KCNH1: variants seen among roughly 807,000 people sequenced by gnomAD.
The protein encoded by KCNH1 is voltage-gated delayed rectifier potassium channel KCNH1.
In KCNH1, 27 loss-of-function variants were observed where a neutral mutation model predicts 69.2. The observed-to-expected ratio is 0.39, with a 90% confidence interval of 0.29 to 0.54. KCNH1 has a LOEUF of 0.54. KCNH1 is among the 20% of genes least tolerant of loss of function. The probability of loss-of-function intolerance (pLI) is 0.68; values close to 1 mark genes in which losing one functional copy is unlikely to be tolerated. For synonymous variants in KCNH1, 456 were observed against 487.7 expected (o/e 0.93, Z 0.86); for missense variants, 798 against 1,261.6 (o/e 0.63, Z 5.57).
chr1:210,954,612 T>C (rs1315898119), intron 6 of KCNH1, among the ~76,000 whole-genome samples: 1 of 152,238 alleles, frequency 6.6e-6, no homozygotes, highest in Non-Finnish European at 1.5e-5. Flanking sequence ...TGGCATGAGA[T>C]GATATCTCAT....
intron 5 of KCNH1, among the ~76,000 whole-genome samples, chr1:211,053,975 AAGAT>A (rs1368050169): frequency 6.6e-6 from 1 of 152,202 alleles, no homozygotes; most frequent in Non-Finnish European, 1.5e-5. Context: ...CAGAAATAAA[AAGAT>A]AGACATTTGG....
At chr1:210,974,313 C>A (rs955116932) in intron 6 of KCNH1, among the ~76,000 whole-genome samples, 1 of 151,882 alleles carries the variant, frequency 6.6e-6, no homozygotes, top group African/African-American at 2.4e-5. Flanking sequence ...CATATTAATA[C>A]AGTATATTAC....
chr1:210,719,567 G>A (rs1220684584), intron 10 of KCNH1, among the ~76,000 whole-genome samples: 1 of 152,042 alleles, frequency 6.6e-6, no homozygotes, highest in African/African-American at 2.4e-5. Flanking sequence ...CAAGGGGAGG[G>A]AGAGCATTAG....
At chr1:210,748,127 T>G (rs1263573487) in intron 10 of KCNH1, among the ~76,000 whole-genome samples, 1 of 152,154 alleles carries the variant, frequency 6.6e-6, no homozygotes, top group Non-Finnish European at 1.5e-5. Flanking sequence ...CCCAGGGTGA[T>G]GCATCATGTG....
intron 6 of KCNH1, among the ~76,000 whole-genome samples, chr1:211,010,105 C>A (rs1689366144): frequency 2.0e-5 from 3 of 152,130 alleles, no homozygotes; most frequent in Non-Finnish European, 4.4e-5. Context: ...TGGAGTTCTC[C>A]ACTCACATTC....
intron 6 of KCNH1, among the ~76,000 whole-genome samples, chr1:210,975,299 T>C (rs942866217): frequency 6.6e-6 from 1 of 152,192 alleles, no homozygotes; most frequent in Non-Finnish European, 1.5e-5. Flanking sequence ...CAGATAATCC[T>C]AAGCCAAAAG....
intron 10 of KCNH1, among the ~76,000 whole-genome samples, chr1:210,759,738 A>C (rs1490853468): frequency 3.3e-5 from 5 of 152,262 alleles, no homozygotes; most frequent in African/African-American, 1.2e-4. Flanking sequence ...AGAGATAGTA[A>C]GCAACTTGGA....
intron 9 of KCNH1, among the ~76,000 whole-genome samples, chr1:210,781,041 C>T (rs989474399): frequency 3.3e-5 from 5 of 152,072 alleles, no homozygotes; most frequent in South Asian, 2.1e-4. Context: ...AGCGAGACTC[C>T]GTTTCAAACA....
At chr1:210,964,209 A>T (rs1039674817) in intron 6 of KCNH1, among the ~76,000 whole-genome samples, 1 of 152,204 alleles carries the variant, frequency 6.6e-6, no homozygotes, top group Non-Finnish European at 1.5e-5. Flanking sequence ...GGAAGGAGGA[A>T]TAAAATCCTT....
chr1:210,718,194 A>G (rs1682310945), intron 10 of KCNH1, among the ~76,000 whole-genome samples: 1 of 146,222 alleles, frequency 6.8e-6, no homozygotes, highest in Non-Finnish European at 1.5e-5. Flanking sequence ...TCCAAAATAT[A>G]ATACTCAAAT....
intron 10 of KCNH1, among the ~76,000 whole-genome samples, chr1:210,685,619 T>C (rs1165338997): frequency 1.3e-5 from 2 of 152,210 alleles, no homozygotes; most frequent in Admixed American, 6.5e-5. Flanking sequence ...ATCTCTACTT[T>C]TCAGACTTGG....
chr1:210,751,482 G>A (rs1047189808), intron 10 of KCNH1, among the ~76,000 whole-genome samples: 1 of 152,200 alleles, frequency 6.6e-6, no homozygotes, highest in Non-Finnish European at 1.5e-5. Context: ...GGCAACCAAT[G>A]ATCCCAGTTT....
chr1:210,971,332 T>C (rs950025687), intron 6 of KCNH1, among the ~76,000 whole-genome samples: 8 of 152,170 alleles, frequency 5.3e-5, no homozygotes, highest in African/African-American at 1.9e-4. Context: ...CTGTGACCCA[T>C]AAGTTATTTA....
chr1:210,694,812 C>T (rs535519588), intron 10 of KCNH1, among the ~76,000 whole-genome samples: 54 of 152,294 alleles, frequency 3.5e-4, no homozygotes, highest in African/African-American at 1.3e-3. Context: ...TCTGATCAGC[C>T]ATTCAGACAC....
At chr1:211,069,437 A>T (rs1053386267) in intron 5 of KCNH1, among the ~76,000 whole-genome samples, 1 of 152,152 alleles carries the variant, frequency 6.6e-6, no homozygotes, top group Non-Finnish European at 1.5e-5. Flanking sequence ...TATGGCAGGG[A>T]TGTTGGAATT....
At chr1:211,026,254 A>C (rs981846038) in intron 5 of KCNH1, among the ~76,000 whole-genome samples, 11 of 152,136 alleles carry the variant, frequency 7.2e-5, no homozygotes, top group African/African-American at 2.4e-4. Context: ...AAAGGTGGAG[A>C]AAAGAAAGTA....
At chr1:210,903,649 A>G (rs1687041051) in intron 7 of KCNH1, among the ~76,000 whole-genome samples, 1 of 152,228 alleles carries the variant, frequency 6.6e-6, no homozygotes, top group Non-Finnish European at 1.5e-5. Context: ...CATCATCAAA[A>G]GATTAAGATC....
At chr1:210,963,624 C>T (rs751926652) in intron 6 of KCNH1, among the ~76,000 whole-genome samples, 5 of 151,726 alleles carry the variant, frequency 3.3e-5, no homozygotes, top group Non-Finnish European at 4.4e-5. Flanking sequence ...AAAAACACAG[C>T]GCAAGAACTT....
In KCNH1 at chr1:211,047,248, C is replaced by T. The variant is rs140866465; in HGVS notation, c.559-27992G>A. On this transcript the variant is annotated intron_variant, in intron 5 of 10. Transcript: ENST00000271751. ...AACCATGAAGTTATACTACACCACA[C>T]GAATATCCTGAACTAACTTAAACAA... 1.7e-3 allele frequency among the ~76,000 whole-genome samples: 264 copies of T among 152,234 alleles called. 1 individual carries two copies. The highest frequency in any genetic ancestry group is 6.1e-3 in the African/African-American group (253 of 41,528).
Sources: allele counts gnomAD v4.1 joint callset (sites outside exome capture counted in the v4.1 genomes callset), GRCh38; gene constraint gnomAD v4.1.1; transcripts MANE v1.5; gene names NCBI Gene and HGNC (gene_info 2026-07-23, HGNC 2026-07-21).